ABCA1: variants seen among roughly 807,000 people sequenced by gnomAD.
ABCA1 encodes ATP binding cassette subfamily A member 1, also known as phospholipid-transporting ATPase ABCA1.
ABCA1 carries 133 observed loss-of-function variants against 262.5 expected under a neutral mutation model. The ratio of observed to expected loss-of-function variants is 0.51; its 90% CI spans 0.44 to 0.59. The LOEUF (loss-of-function observed/expected upper bound fraction) is 0.59. ABCA1 is among the 20% of genes least tolerant of loss of function. The probability of loss-of-function intolerance (pLI) is 0.00; values close to 1 mark genes in which losing one functional copy is unlikely to be tolerated. For synonymous variants in ABCA1, 1,022 were observed against 1,043.5 expected (o/e 0.98, Z 0.40); for missense variants, 2,452 against 2,777.5 (o/e 0.88, Z 2.63).
In ABCA1 at chr9:104,818,754, G is replaced by C; in HGVS notation, c.3371C>G (p.Thr1124Arg). The change falls in exon 23 of 50, where the codon ACA (threonine) becomes AGA (arginine). Residue 1124 changes from threonine (T) to arginine (R), a missense_variant. Physicochemically the swap from Thr to Arg is moderately conservative, Grantham distance 71. Coordinates refer to ENST00000374736, the MANE Select transcript of ABCA1 (RefSeq NM_005502.4). ...SSLFLKNQLG[T>R]GYYLTLVKKD... Reference sequence around the variant, plus strand: ...CTTGACCAAGGTCAGGTAGTAGCCTGTTCCCAGCTGGTTCTTCAGAAACAG... The same window carrying C: ...CTTGACCAAGGTCAGGTAGTAGCCTCTTCCCAGCTGGTTCTTCAGAAACAG... 1 of 1,613,980 alleles carries C rather than the reference G, an allele frequency of 6.2e-7. No individual in the cohort carries two copies. Among genetic ancestry groups the C allele is most frequent in the Non-Finnish European group, 8.5e-7 (1 of 1,180,044 alleles).
At chr9:104,910,303 T>C (rs1310172091) in intron 1 of ABCA1, among the ~76,000 whole-genome samples, 1 of 152,226 alleles carries the variant, frequency 6.6e-6, no homozygotes, top group African/African-American at 2.4e-5. Flanking sequence ...ACTACACCCC[T>C]GCTGCAATCT....
At chr9:104,926,665 C>A (rs1484103627) in intron 1 of ABCA1, among the ~76,000 whole-genome samples, 1 of 152,138 alleles carries the variant, frequency 6.6e-6, no homozygotes, top group East Asian at 1.9e-4. Flanking sequence ...GCGCCCAGCA[C>A]CCCCACCCTC....
chr9:104,850,410 C>T (rs1835275326), intron 7 of ABCA1, among the ~76,000 whole-genome samples: 2 of 152,140 alleles, frequency 1.3e-5, no homozygotes, highest in South Asian at 4.1e-4. Context: ...GCGTGAGCCA[C>T]CACACCCAGC....
rs775693747 is a variant in ABCA1, at chr9:104,806,439, G to A, written c.4275-9C>T. 2.0e-5 allele frequency: 33 copies of A among 1,614,014 alleles called. No individual in the cohort carries two copies. In the South Asian group the frequency reaches 2.2e-4, roughly 11 times the overall value. ...CCTGGCAGGGCGTGTCTCTGCAAAGGGAAGACAGCAAGAGTAGGATTACCA... is the reference window on the plus strand; with the variant it reads ...CCTGGCAGGGCGTGTCTCTGCAAAGAGAAGACAGCAAGAGTAGGATTACCA... On this transcript the variant is annotated splice_polypyrimidine_tract_variant and intron_variant, in intron 30 of 49. Transcript: ENST00000374736.
At chr9:104,811,495 G>T (rs967448997) in intron 28 of ABCA1, among the ~76,000 whole-genome samples, 3 of 152,136 alleles carry the variant, frequency 2.0e-5, no homozygotes, top group Non-Finnish European at 4.4e-5. Context: ...TCCCATGATA[G>T]TCTCAGAAAG....
At chr9:104,819,487 T>C (rs1322493254) in intron 22 of ABCA1, 99 bp downstream of exon 22, 3 of 1,526,110 alleles carry the variant, frequency 2.0e-6, no homozygotes, top group Non-Finnish European at 2.7e-6. Context: ...GAGTATCCCA[T>C]GGCTTCACAG....
chr9:104,851,284 C>A (rs1835352971), intron 7 of ABCA1, among the ~76,000 whole-genome samples: 1 of 152,186 alleles, frequency 6.6e-6, no homozygotes, highest in African/African-American at 2.4e-5. Flanking sequence ...GCCTGTGGAG[C>A]CTTTAATGGC....
chr9:104,909,459 G>T (rs1237631255), intron 1 of ABCA1, among the ~76,000 whole-genome samples: 1 of 152,112 alleles, frequency 6.6e-6, no homozygotes, highest in Non-Finnish European at 1.5e-5. Context: ...GCATCTTTAG[G>T]ACAATGAACT....
In ABCA1 at chr9:104,827,427, G is replaced by A. The variant is rs528184979; in HGVS notation, c.2116-258C>T. 2.7e-4 allele frequency among the ~76,000 whole-genome samples: 41 copies of A among 152,284 alleles called. 1 individual carries two copies. In the South Asian group the frequency reaches 7.9e-3, roughly 29 times the overall value. On this transcript the variant is annotated intron_variant, in intron 15 of 49. Transcript: ENST00000374736. ...CCAGGGCTTTCTACGCATTTCAGTG[G>A]GCGAGTTTGCTCTTTGTTTCTTCAA...
rs1327820954 is a variant in ABCA1, at chr9:104,793,215, G to A, written c.5592C>T (p.Phe1864=). Residue 1864 remains phenylalanine (F), a synonymous_variant, in exon 41 of 50, where the codon TTC becomes TTT. Coordinates refer to ENST00000374736, the MANE Select transcript of ABCA1 (RefSeq NM_005502.4). The part of the protein sequence containing the change: ...FAMAVEGVVF[F]LITVLIQYRF... ...TGTACTGGATCAGAACAGTAATGAG[G>A]AAGAACACCACCCCTTCCACGGCCA... 1.9e-6 allele frequency: 3 copies of A among 1,614,058 alleles called. No individual in the cohort carries two copies. The highest frequency in any genetic ancestry group is 2.5e-6 in the Non-Finnish European group (3 of 1,180,012).
chr9:104,809,852 T>TA (rs1476439482), intron 29 of ABCA1, among the ~76,000 whole-genome samples: 1 of 151,810 alleles, frequency 6.6e-6, no homozygotes, highest in African/African-American at 2.4e-5. Flanking sequence ...CATTTATATA[T>TA]TTTTTTTAAT....
chr9:104,791,832 G>A, intron 43 of ABCA1, 104 bp downstream of exon 43: 1 of 1,114,126 alleles, frequency 9.0e-7, no homozygotes, highest in South Asian at 1.3e-5. Flanking sequence ...AAATACAGAA[G>A]CCTTTAAAAT....
intron 5 of ABCA1, among the ~76,000 whole-genome samples, chr9:104,877,726 T>G (rs1031734606): frequency 6.6e-6 from 1 of 152,206 alleles, no homozygotes; most frequent in African/African-American, 2.4e-5. Context: ...GCAGCTAATC[T>G]TCAGGTAAAC....
At chr9:104,819,809 A>C in intron 21 of ABCA1, 86 bp from the exon 22 acceptor site, 1 of 1,611,536 alleles carries the variant, frequency 6.2e-7, no homozygotes, top group South Asian at 1.1e-5. Context: ...AGCCAGGGAC[A>C]AGTTTCTGTT....
intron 9 of ABCA1, 143 bp downstream of exon 9, chr9:104,840,136 C>T (rs868133680): frequency 7.0e-7 from 1 of 1,429,722 alleles, no homozygotes; most frequent in Non-Finnish European, 9.6e-7. Context: ...AGCCTCTCTC[C>T]TCTAGGAAGA....
chr9:104,833,222 C>A (rs1389970620), intron 11 of ABCA1, among the ~76,000 whole-genome samples: 5 of 152,178 alleles, frequency 3.3e-5, no homozygotes, highest in Non-Finnish European at 5.9e-5. Flanking sequence ...CGCTCTGCCG[C>A]CCGGGCTGGA....
chr9:104,867,654 G>A (rs1837217260), intron 5 of ABCA1, among the ~76,000 whole-genome samples: 1 of 152,164 alleles, frequency 6.6e-6, no homozygotes, highest in South Asian at 2.1e-4. Context: ...GGTTGAAGCT[G>A]ACTGATTTGT....
chr9:104,885,302 C>T (rs1298601800), intron 3 of ABCA1, among the ~76,000 whole-genome samples: 2 of 152,076 alleles, frequency 1.3e-5, no homozygotes, highest in African/African-American at 2.4e-5. Flanking sequence ...AGTCAGCTGG[C>T]GTGACTGGGA....
chr9:104,811,069 C>T lies in ABCA1; in HGVS notation c.4051-145G>A. On this transcript the variant is annotated intron_variant, in intron 28 of 49. Coordinates refer to ENST00000374736, the MANE Select transcript of ABCA1 (RefSeq NM_005502.4). ...GAGGAATGCAGGGCCTATGACTGTG[C>T]TGCACCAAGGCATTCTTGGCAGCTG... 9 of 1,249,804 alleles carry T rather than the reference C, an allele frequency of 7.2e-6. No homozygotes were observed. The South Asian group carries it at 8.1e-5, about 11-fold the overall frequency. The allele number at this position is 1,249,804 out of a possible 1,614,324, so 77.4% of individuals were successfully genotyped here. A position where few individuals can be genotyped will look rare whatever the true frequency, so the allele number is the denominator to read the frequency against.
Sources: allele counts gnomAD v4.1 joint callset (sites outside exome capture counted in the v4.1 genomes callset), GRCh38; gene constraint gnomAD v4.1.1; transcripts MANE v1.5; gene names NCBI Gene and HGNC (gene_info 2026-07-23, HGNC 2026-07-21).